ABHD12: variants seen among roughly 807,000 people sequenced by gnomAD.
The protein encoded by ABHD12 is abhydrolase domain containing 12, lysophospholipase.
In ABHD12, 43 loss-of-function variants were observed where a neutral mutation model predicts 58.3. That is an observed-to-expected ratio of 0.74 (90% confidence interval 0.58 to 0.95). ABHD12 has a LOEUF of 0.95. Among genes scored for constraint, ABHD12 ranks in the 40% least tolerant of loss-of-function variants. The probability of loss-of-function intolerance (pLI) is 0.00; values close to 1 mark genes in which losing one functional copy is unlikely to be tolerated. For missense variants in ABHD12, 539 were observed against 537.2 expected (o/e 1.00, Z -0.03); for synonymous variants, 219 against 211.2 (o/e 1.04, Z -0.32).
At chr20:25,316,084 C>A (rs1204630776) in intron 5 of ABHD12, among the ~76,000 whole-genome samples, 2 of 152,238 alleles carry the variant, frequency 1.3e-5, no homozygotes, top group African/African-American at 4.8e-5. Flanking sequence ...GATTCAAGTC[C>A]CACCTGCAGC....
chr20:25,319,203 G>A (rs763183060), intron 4 of ABHD12, among the ~76,000 whole-genome samples: 4 of 152,134 alleles, frequency 2.6e-5, no homozygotes, highest in African/African-American at 7.2e-5. Flanking sequence ...TATCCCCTCC[G>A]CACCCACCCT....
At chr20:25,361,108 C>T (rs2146086294) in intron 1 of ABHD12, among the ~76,000 whole-genome samples, 1 of 152,342 alleles carries the variant, frequency 6.6e-6, no homozygotes, top group Non-Finnish European at 1.5e-5. Flanking sequence ...TGCAATCCCA[C>T]GCTAAGCGGC....
At chr20:25,338,968 C>T in intron 2 of ABHD12, 1 of 1,251,782 alleles carries the variant, frequency 8.0e-7, no homozygotes, top group Non-Finnish European at 1.0e-6. Context: ...GCAACACTAG[C>T]ACAGAAAGTC....
At chr20:25,384,314 C>G (rs551661377) in intron 1 of ABHD12, among the ~76,000 whole-genome samples, 3 of 149,084 alleles carry the variant, frequency 2.0e-5, no homozygotes, top group African/African-American at 7.4e-5. Flanking sequence ...AATTTAAAAA[C>G]AAAAAAAACT....
chr20:25,319,410 G>A (rs969385601), intron 4 of ABHD12, among the ~76,000 whole-genome samples: 2 of 152,136 alleles, frequency 1.3e-5, no homozygotes. Context: ...AGCCCGTTAG[G>A]GTGAGCAGAG....
chr20:25,390,656 G>C lies in ABHD12; in HGVS notation c.48C>G (p.Ala16=). 1 of 1,439,306 alleles carries C rather than the reference G, an allele frequency of 6.9e-7. No homozygotes were observed. The highest frequency in any genetic ancestry group is 9.1e-7 in the Non-Finnish European group (1 of 1,100,152). 89.2% of individuals were successfully genotyped at this position (1,439,306 alleles called of 1,614,324 possible). A position where few individuals can be genotyped will look rare whatever the true frequency, so the allele number is the denominator to read the frequency against. ...AGCCGGAGGAGGACGAGCCCGCGGCGGCGCAGCGCTCATGCTCCAAGGCGA... is the reference window on the plus strand; with the variant it reads ...AGCCGGAGGAGGACGAGCCCGCGGCCGCGCAGCGCTCATGCTCCAAGGCGA... ...EPVALEHERC[A]AAGSSSSGSA... Residue 16 remains alanine (A), a synonymous_variant, in exon 1 of 13, where the codon GCC becomes GCG. Transcript: ENST00000339157.
At chr20:25,300,165 G>A, downstream of ABHD12, 1 of 986,558 alleles carries the variant, frequency 1.0e-6, no homozygotes, top group Non-Finnish European at 1.2e-6. Flanking sequence ...CGGCTCTGGG[G>A]CATGGAGGAG....
intron 2 of ABHD12, among the ~76,000 whole-genome samples, chr20:25,334,237 C>A (rs907368673): frequency 2.6e-5 from 4 of 151,134 alleles, no homozygotes; most frequent in African/African-American, 7.3e-5. Context: ...CTTAGGAATC[C>A]AACTTACAAG....
Position 25,300,465 on chromosome 20 carries a change from G to T in ABHD12, c.*380C>A. The T allele has an allele frequency of 8.2e-7, 1 of 1,223,410 alleles. No individual in the cohort carries two copies. Among genetic ancestry groups the T allele is most frequent in the East Asian group, 4.6e-5 (1 of 21,506 alleles). The allele number at this position is 1,223,410 out of a possible 1,614,324, so 75.8% of individuals were successfully genotyped here. A position where few individuals can be genotyped will look rare whatever the true frequency, so the allele number is the denominator to read the frequency against. On this transcript the variant is annotated 3_prime_UTR_variant, in exon 13 of 13. Transcript: ENST00000339157. The stretch of plus-strand genomic sequence containing the variant: ...AACCTGGACCCCACGTTCTCTGTGG[G>T]TGGTGCCAAAAAGCTCAGCATGGTC...
At chr20:25,359,788 T>C (rs985303653) in intron 1 of ABHD12, among the ~76,000 whole-genome samples, 1 of 152,160 alleles carries the variant, frequency 6.6e-6, no homozygotes, top group African/African-American at 2.4e-5. Context: ...CAGACTGGTC[T>C]TGAACTCCTG....
At position 25,309,591 on chromosome 20, in the gene ABHD12, G is replaced by T. The variant is rs1205107503; in HGVS notation, c.620-16C>A. 18 of 1,613,816 alleles carry T rather than the reference G, an allele frequency of 1.1e-5. No individual in the cohort carries two copies. Among genetic ancestry groups the T allele is most frequent in the South Asian group, 2.2e-5 (2 of 91,078 alleles). ...TCACCCCAACCTGGGAGGGAGAAAC[G>T]GCAGGACGGGGAGGTCAAAGGCAGC... On this transcript the variant is annotated splice_polypyrimidine_tract_variant and intron_variant, in intron 6 of 12. Transcript: ENST00000339157.
chr20:25,307,758 A>G (rs1042815938), intron 9 of ABHD12, among the ~76,000 whole-genome samples: 2 of 152,206 alleles, frequency 1.3e-5, no homozygotes, highest in Non-Finnish European at 2.9e-5. Context: ...AAATGACCCA[A>G]TTATGACCTG....
chr20:25,339,061 T>C, intron 2 of ABHD12, 166 bp downstream of exon 2: 1 of 1,403,876 alleles, frequency 7.1e-7, no homozygotes, highest in Non-Finnish European at 9.4e-7. Flanking sequence ...TCTACCTATC[T>C]ATCTCTAAAG....
chr20:25,359,159 C>G (rs1246784544), intron 1 of ABHD12, among the ~76,000 whole-genome samples: 1 of 151,254 alleles, frequency 6.6e-6, no homozygotes. Flanking sequence ...TGGTGGCTCA[C>G]GCTTGTAATC....
At chr20:25,342,942 G>C (rs969466080) in intron 1 of ABHD12, among the ~76,000 whole-genome samples, 15 of 151,822 alleles carry the variant, frequency 9.9e-5, no homozygotes, top group Admixed American at 2.6e-4. Flanking sequence ...TTATAGGCAT[G>C]TGCCACTATG....
chr20:25,387,413 T>C (rs1298284271), intron 1 of ABHD12, among the ~76,000 whole-genome samples: 1 of 150,556 alleles, frequency 6.6e-6, no homozygotes, highest in African/African-American at 2.4e-5. Context: ...ATACAAAAAT[T>C]AGCCATGTGT....
In ABHD12 at chr20:25,390,721, C is replaced by T; in HGVS notation, c.-18G>A. 2 of 1,322,354 alleles carry T rather than the reference C, an allele frequency of 1.5e-6. No individual in the cohort carries two copies. The highest frequency in any genetic ancestry group is 1.9e-6 in the Non-Finnish European group (2 of 1,038,724). The allele number at this position is 1,322,354 out of a possible 1,614,324, so 81.9% of individuals were successfully genotyped here. On this transcript the variant is annotated 5_prime_UTR_variant, in exon 1 of 13. Coordinates refer to ENST00000339157, the MANE Select transcript of ABHD12 (RefSeq NM_001042472.3). Reference sequence around the variant, plus strand: ...TTCCTCATCCCGCGGCCGACAGGGCCAGCCGCCGACGGCGCCCGCTGGCCT... The same window carrying T: ...TTCCTCATCCCGCGGCCGACAGGGCTAGCCGCCGACGGCGCCCGCTGGCCT...
At chr20:25,317,026 T>C in intron 5 of ABHD12, 22 bp downstream of exon 5, 1 of 1,610,660 alleles carries the variant, frequency 6.2e-7, no homozygotes, top group Non-Finnish European at 8.5e-7. Context: ...AGGGAACAGG[T>C]GTGGGTGCTG....
intron 1 of ABHD12, chr20:25,368,416 C>A: frequency 6.3e-7 from 1 of 1,598,364 alleles, no homozygotes; most frequent in South Asian, 1.1e-5. Flanking sequence ...ACCACTCAGT[C>A]TTGGCAGTGC....
Sources: allele counts gnomAD v4.1 joint callset (sites outside exome capture counted in the v4.1 genomes callset), GRCh38; gene constraint gnomAD v4.1.1; transcripts MANE v1.5; gene names NCBI Gene and HGNC (gene_info 2026-07-23, HGNC 2026-07-21).